The following KIRREL3 variants were observed in gnomAD, a reference collection of about 807,000 sequenced individuals.
KIRREL3 encodes kin of IRRE-like protein 3.
A neutral mutation model predicts 89.7 loss-of-function variants in KIRREL3; 36 were observed. That is an observed-to-expected ratio of 0.40 (90% confidence interval 0.31 to 0.53). The LOEUF (loss-of-function observed/expected upper bound fraction) is 0.53, where lower values mean the gene tolerates loss of function less well. Among genes scored for constraint, KIRREL3 ranks in the 20% least tolerant of loss-of-function variants. The pLI is 0.49. For missense variants in KIRREL3, 864 were observed against 1,056.6 expected, an observed-to-expected ratio of 0.82 and a Z score of 2.53; for synonymous variants, 445 against 441.4, an observed-to-expected ratio of 1.01 and a Z score of -0.10.
chr11:126,798,443 A>G (rs988979480), intron 1 of KIRREL3, among the ~76,000 whole-genome samples: 1 of 152,216 alleles, frequency 6.6e-6, no homozygotes, highest in Admixed American at 6.5e-5. Flanking sequence ...GTAACCAAAG[A>G]ATTAGGTAAA....
At chr11:126,661,368 C>T (rs1945394272) in intron 1 of KIRREL3, among the ~76,000 whole-genome samples, 1 of 152,200 alleles carries the variant, frequency 6.6e-6, no homozygotes, top group South Asian at 2.1e-4. Context: ...GAGAAGTCCC[C>T]TACAACTTTT....
rs746907133 is a variant in KIRREL3 at position 126,946,997 on chromosome 11, C to T, written c.55+53458G>A. On this transcript the variant is annotated intron_variant, in intron 1 of 16. Transcript: ENST00000525144. The surrounding 1 kb of genome is among the most constrained non-coding windows in gnomAD (Gnocchi z 4.1). ...GGCAGAAAGAACCAGAAATCTTATC[C>T]GCTAGGCTCTAGAACCCAAGTTCCT... Among the ~76,000 whole-genome samples the T allele has an allele frequency of 2.6e-5, 4 of 152,102 alleles. No individual in the cohort carries two copies. The highest frequency in any genetic ancestry group is 6.5e-5 in the Admixed American group (1 of 15,270).
At chr11:126,691,109 C>T (rs983415917) in intron 1 of KIRREL3, among the ~76,000 whole-genome samples, 1 of 152,168 alleles carries the variant, frequency 6.6e-6, no homozygotes, top group South Asian at 2.1e-4. Flanking sequence ...CAATCTCACC[C>T]ACTCGGCTGT....
intron 1 of KIRREL3, among the ~76,000 whole-genome samples, chr11:126,957,550 A>C (rs7942706): frequency 0.058 from 8,853 of 152,302 alleles, 277 homozygotes; most frequent in African/African-American, 0.078. Flanking sequence ...AGCCTCTAGC[A>C]CTGCCAGCTC....
rs146936257 is a variant in KIRREL3 at position 126,778,967 on chromosome 11, C to T, written c.56-216055G>A. 1.3e-3 allele frequency among the ~76,000 whole-genome samples: 203 copies of T among 152,280 alleles called. No individual in the cohort carries two copies. The highest frequency in any genetic ancestry group is 4.5e-3 in the African/African-American group (188 of 41,566). ...GTAATACATGTAAGAGCACCTAGCGCGGAACTTGGAACACAGCAGAAACTC... is the reference window on the plus strand; with the variant it reads ...GTAATACATGTAAGAGCACCTAGCGTGGAACTTGGAACACAGCAGAAACTC... On this transcript the variant is annotated intron_variant, in intron 1 of 16. Transcript: ENST00000525144. The surrounding 1 kb of genome is among the most constrained non-coding windows in gnomAD (Gnocchi z 4.5).
In KIRREL3 at chr11:126,475,306, C is replaced by CT. The variant is rs912011923; in HGVS notation, c.434-1841dup. Among the ~76,000 whole-genome samples the CT allele has an allele frequency of 1.6e-4, 24 of 152,190 alleles. No homozygotes were observed. The highest frequency in any genetic ancestry group is 5.8e-4 in the African/African-American group (24 of 41,452). On this transcript the variant is annotated intron_variant, in intron 4 of 16. Coordinates refer to ENST00000525144, the MANE Select transcript of KIRREL3 (RefSeq NM_032531.4). This position sits in a 1 kb window ranked among gnomAD's most constrained non-coding sequence, Gnocchi z 7.5. ...CAGCCTGCATGGGAACTTCCCTCCCCTTCTCAGGGGATCGCCCCGTCAGCC... is the reference window on the plus strand; with the variant it reads ...CAGCCTGCATGGGAACTTCCCTCCCCTTTCTCAGGGGATCGCCCCGTCAGCC...
At chr11:126,499,481 C>T (rs1162239302) in intron 4 of KIRREL3, among the ~76,000 whole-genome samples, 3 of 152,174 alleles carry the variant, frequency 2.0e-5, no homozygotes, top group African/African-American at 7.2e-5. Flanking sequence ...GATGAGCTCT[C>T]TTAAACACCT....
rs1384068991 is a variant in KIRREL3, at chr11:126,946,149, C to A, written c.55+54306G>T. ...CAGCACCCTAGAACTAAGGCTCAAG[C>A]CCCTTGTGAGAACAAGAACCCTAAG... On this transcript the variant is annotated intron_variant, in intron 1 of 16. Coordinates refer to ENST00000525144, the MANE Select transcript of KIRREL3 (RefSeq NM_032531.4). The surrounding 1 kb of genome is among the most constrained non-coding windows in gnomAD (Gnocchi z 4.1). 6.6e-6 allele frequency among the ~76,000 whole-genome samples: 1 copy of A among 152,182 alleles called. No individual in the cohort carries two copies. Among genetic ancestry groups the A allele is most frequent in the Non-Finnish European group, 1.5e-5 (1 of 68,044 alleles).
In KIRREL3 at chr11:126,709,881, G is replaced by T. The variant is rs1947689739; in HGVS notation, c.56-146969C>A. Among the ~76,000 whole-genome samples the T allele has an allele frequency of 6.6e-6, 1 of 152,206 alleles. No individual in the cohort carries two copies. The highest frequency in any genetic ancestry group is 6.5e-5 in the Admixed American group (1 of 15,286). On this transcript the variant is annotated intron_variant, in intron 1 of 16. Transcript: ENST00000525144. The surrounding 1 kb of genome is among the most constrained non-coding windows in gnomAD (Gnocchi z 4.0). ...GGGAGCTGGAGAGGCTGAGCACTGG[G>T]GCACGAGGGTAGGTAATGATGTGAG...
At chr11:126,678,923 A>C (rs1453083778) in intron 1 of KIRREL3, among the ~76,000 whole-genome samples, 1 of 152,178 alleles carries the variant, frequency 6.6e-6, no homozygotes, top group African/African-American at 2.4e-5. Context: ...TGATGTAGCT[A>C]CTCAAAAGCC....
At chr11:126,973,593 G>A (rs557168619) in intron 1 of KIRREL3, among the ~76,000 whole-genome samples, 33 of 152,290 alleles carry the variant, frequency 2.2e-4, no homozygotes, top group African/African-American at 7.5e-4. Context: ...CAGAAATGGC[G>A]TGAATTTAGG....
intron 1 of KIRREL3, among the ~76,000 whole-genome samples, chr11:126,856,564 TA>T (rs1944517002): frequency 4.1e-4 from 2 of 4,830 alleles, no homozygotes; most frequent in Admixed American, 6.4e-3. Context: ...AGTATATATA[TA>T]TATATATATA....
At chr11:126,927,441 G>A (rs920000868) in intron 1 of KIRREL3, among the ~76,000 whole-genome samples, 19 of 152,272 alleles carry the variant, frequency 1.2e-4, no homozygotes, top group Middle Eastern at 3.4e-3. Context: ...AGTTAACTCT[G>A]CCAGGCTTCT....
Position 126,489,055 on chromosome 11 carries a change from C to T in KIRREL3, c.434-15589G>A, listed in dbSNP as rs1957440981. Among the ~76,000 whole-genome samples, 1 of 152,200 alleles carries T rather than the reference C, an allele frequency of 6.6e-6. No homozygotes were observed. Among genetic ancestry groups the T allele is most frequent in the Admixed American group, 6.5e-5 (1 of 15,286 alleles). ...GTGTTTGCTCAAATGTGCCCTCTGA[C>T]CTCCACTAGACTGCGCTTAGGCATC... On this transcript the variant is annotated intron_variant, in intron 4 of 16. Coordinates refer to ENST00000525144, the MANE Select transcript of KIRREL3 (RefSeq NM_032531.4). The surrounding 1 kb of genome is among the most constrained non-coding windows in gnomAD (Gnocchi z 5.5).
chr11:126,658,442 C>A (rs1257902176), intron 1 of KIRREL3, among the ~76,000 whole-genome samples: 1 of 152,174 alleles, frequency 6.6e-6, no homozygotes, highest in South Asian at 2.1e-4. Flanking sequence ...ATGTACCTTG[C>A]TATTTTCATG....
intron 1 of KIRREL3, among the ~76,000 whole-genome samples, chr11:126,598,993 G>A (rs978996025): frequency 5.9e-5 from 9 of 152,174 alleles, no homozygotes; most frequent in Non-Finnish European, 1.3e-4. Context: ...ACTAAGAAAT[G>A]TGCCTGCCTT....
chr11:126,905,878 C>A lies in KIRREL3; in HGVS notation c.55+94577G>T, dbSNP rs1946563462. 2.0e-5 allele frequency among the ~76,000 whole-genome samples: 3 copies of A among 152,144 alleles called. No individual in the cohort carries two copies. The highest frequency in any genetic ancestry group is 4.4e-5 in the Non-Finnish European group (3 of 68,026). ...GTTCCTTTGTCCGCACCCAGCCATG[C>A]AAAATTCCTGGTGCAGCACAGCTAA... is the stretch of plus-strand genomic sequence containing the variant. On this transcript the variant is annotated intron_variant, in intron 1 of 16. Transcript: ENST00000525144. The surrounding 1 kb of genome is among the most constrained non-coding windows in gnomAD (Gnocchi z 5.0).
chr11:126,572,648 C>T (rs1405955245), intron 1 of KIRREL3, among the ~76,000 whole-genome samples: 1 of 152,156 alleles, frequency 6.6e-6, no homozygotes, highest in Admixed American at 6.5e-5. Context: ...ACTGAGAAGC[C>T]CTTGTGGGAG....
rs905929400 is a variant in KIRREL3 at position 126,498,711 on chromosome 11, C to T, written c.433+22604G>A. The stretch of plus-strand genomic sequence containing the variant: ...GAATGGTGTGTCCATGGGGACAGAG[C>T]TGGCCTGGCGTCCCAGTATCCTGCT... On this transcript the variant is annotated intron_variant, in intron 4 of 16. Transcript: ENST00000525144. This position sits in a 1 kb window ranked among gnomAD's most constrained non-coding sequence, Gnocchi z 4.3. Among the ~76,000 whole-genome samples, 13 of 152,162 alleles carry T rather than the reference C, an allele frequency of 8.5e-5. No individual in the cohort carries two copies. The highest frequency in any genetic ancestry group is 1.8e-4 in the Non-Finnish European group (12 of 68,038).
Sources: allele counts gnomAD v4.1 joint callset (sites outside exome capture counted in the v4.1 genomes callset), GRCh38; gene constraint gnomAD v4.1.1; non-coding constraint Gnocchi (gnomAD v3.1); transcripts MANE v1.5; gene names NCBI Gene and HGNC (gene_info 2026-07-23, HGNC 2026-07-21).